The following PDE1C variants were observed in gnomAD, a reference collection of about 807,000 sequenced individuals.
The protein encoded by PDE1C is phosphodiesterase 1C, also known as dual specificity calcium/calmodulin-dependent 3',5'-cyclic nucleotide phosphodiesterase 1C.
Under a neutral mutation model 93.1 loss-of-function variants are expected in PDE1C, and 62 were observed. The ratio of observed to expected loss-of-function variants is 0.67; its 90% CI spans 0.54 to 0.82. The LOEUF (loss-of-function observed/expected upper bound fraction) is 0.82. PDE1C is among the 40% of genes least tolerant of loss of function. The pLI, the probability that PDE1C is intolerant of heterozygous loss-of-function variation, is 0.00. For missense variants in PDE1C, 742 were observed against 884.6 expected, an observed-to-expected ratio of 0.84 and a Z score of 2.04; for synonymous variants, 325 against 310.1, an observed-to-expected ratio of 1.05 and a Z score of -0.50.
chr7:32,340,982 C>G (rs536931197), intron 1 of PDE1C, among the ~76,000 whole-genome samples: 1 of 151,946 alleles, frequency 6.6e-6, no homozygotes, highest in African/African-American at 2.4e-5. Context: ...AAGAATGGCC[C>G]CTAATGTAAA....
chr7:32,027,152 A>G (rs1221689483), intron 2 of PDE1C, among the ~76,000 whole-genome samples: 1 of 152,152 alleles, frequency 6.6e-6, no homozygotes, highest in African/African-American at 2.4e-5. Context: ...GAATCATAAT[A>G]CATACTCTGA....
intron 1 of PDE1C, among the ~76,000 whole-genome samples, chr7:32,406,437 C>T (rs935828204): frequency 1.3e-5 from 2 of 149,290 alleles, no homozygotes; most frequent in African/African-American, 4.9e-5. Context: ...TTCTAGTATA[C>T]GAGGGAGGAA....
intron 3 of PDE1C, among the ~76,000 whole-genome samples, chr7:32,135,956 C>A (rs1423042496): frequency 2.6e-5 from 4 of 152,150 alleles, no homozygotes; most frequent in Non-Finnish European, 5.9e-5. Flanking sequence ...TTTGCAAAGA[C>A]ATGATAGCAT....
chr7:32,064,889 A>G (rs1045075559), intron 1 of PDE1C, among the ~76,000 whole-genome samples: 7 of 152,100 alleles, frequency 4.6e-5, no homozygotes, highest in Non-Finnish European at 7.4e-5. Flanking sequence ...TCTCATGACT[A>G]CACTTCTATC....
Position 32,055,628 on chromosome 7 carries a change from G to GA in PDE1C, c.102-4049dup, listed in dbSNP as rs918228438. On this transcript the variant is annotated intron_variant, in intron 1 of 17. Transcript: ENST00000396191. ...CCACCAAAATGCAGGAAATGAGCTG[G>GA]AAAAAAAACCCCAGTTTATTCTTGG... Among the ~76,000 whole-genome samples, 18 of 151,742 alleles carry GA rather than the reference G, an allele frequency of 1.2e-4. No homozygotes were observed. The East Asian group carries it at 2.1e-3, about 18-fold the overall frequency.
chr7:32,334,360 G>T (rs1371524127), intron 1 of PDE1C, among the ~76,000 whole-genome samples: 4 of 151,814 alleles, frequency 2.6e-5, no homozygotes, highest in Non-Finnish European at 4.4e-5. Flanking sequence ...TTTTTGATTA[G>T]AAAATTGACT....
the PDE1C span, among the ~76,000 whole-genome samples, chr7:31,686,206 C>T: frequency 1.5e-4 from 23 of 152,286 alleles, no homozygotes; most frequent in South Asian, 4.8e-3. Context: ...GGGTCTGGAG[C>T]CCTTCTAGTG....
chr7:31,957,301 C>T (rs893294286), intron 2 of PDE1C, among the ~76,000 whole-genome samples: 2 of 151,898 alleles, frequency 1.3e-5, no homozygotes, highest in African/African-American at 4.8e-5. Context: ...CATTAGCCAG[C>T]TTGTAGCTAT....
intron 3 of PDE1C, among the ~76,000 whole-genome samples, chr7:32,094,664 C>T (rs1797655173): frequency 6.6e-6 from 1 of 152,228 alleles, no homozygotes; most frequent in Non-Finnish European, 1.5e-5. Flanking sequence ...GGACCGCCCT[C>T]ATCTCCCTAA....
At chr7:32,176,140 C>T (rs1325074616) in intron 2 of PDE1C, among the ~76,000 whole-genome samples, 2 of 152,160 alleles carry the variant, frequency 1.3e-5, no homozygotes, top group Non-Finnish European at 2.9e-5. Context: ...TCATGCTGCT[C>T]CCCTTTGAGA....
chr7:31,837,641 C>A (rs1427730783), intron 10 of PDE1C, among the ~76,000 whole-genome samples: 1 of 152,182 alleles, frequency 6.6e-6, no homozygotes, highest in East Asian at 1.9e-4. Context: ...ATTTTTAATT[C>A]TCACTGGGGA....
intron 6 of PDE1C, among the ~76,000 whole-genome samples, chr7:31,866,173 G>A (rs1795273442): frequency 6.6e-6 from 1 of 151,900 alleles, no homozygotes; most frequent in South Asian, 2.1e-4. Context: ...AAAAGGAGAG[G>A]ATATGTCTTC....
chr7:31,693,867 T>C, the PDE1C span, among the ~76,000 whole-genome samples: 3 of 152,296 alleles, frequency 2.0e-5, no homozygotes, highest in Admixed American at 6.5e-5. Context: ...AGCTAAAATA[T>C]CCAATTACTC....
intron 1 of PDE1C, among the ~76,000 whole-genome samples, chr7:32,369,848 T>A (rs549389603): frequency 2.2e-4 from 34 of 152,296 alleles, no homozygotes; most frequent in African/African-American, 7.5e-4. Context: ...CTGGAGAGGA[T>A]GTGGAGAAAT....
At chr7:31,765,225 C>T (rs917480919) in intron 17 of PDE1C, among the ~76,000 whole-genome samples, 14 of 152,130 alleles carry the variant, frequency 9.2e-5, no homozygotes, top group African/African-American at 3.1e-4. Flanking sequence ...CAAACGATGG[C>T]TTCCTATCAA....
chr7:31,740,452 T>C, the PDE1C span, among the ~76,000 whole-genome samples: 1 of 152,200 alleles, frequency 6.6e-6, no homozygotes, highest in South Asian at 2.1e-4. Flanking sequence ...AGAAAGTGCA[T>C]GATTCAAATG....
At chr7:32,247,769 C>A (rs1809074520) in intron 1 of PDE1C, among the ~76,000 whole-genome samples, 1 of 152,110 alleles carries the variant, frequency 6.6e-6, no homozygotes, top group South Asian at 2.1e-4. Flanking sequence ...TGTTCTGAAC[C>A]TGTTCAAGGT....
intron 11 of PDE1C, among the ~76,000 whole-genome samples, chr7:31,834,615 G>T (rs1790832808): frequency 1.3e-5 from 2 of 151,790 alleles, no homozygotes; most frequent in Admixed American, 1.3e-4. Flanking sequence ...CCCTTTGTTT[G>T]CCCAATTTCT....
intron 1 of PDE1C, among the ~76,000 whole-genome samples, chr7:32,233,127 A>G (rs1807824589): frequency 6.6e-6 from 1 of 152,216 alleles, no homozygotes; most frequent in South Asian, 2.1e-4. Context: ...AGCTATTATG[A>G]AAATACTCCA....
Sources: allele counts gnomAD v4.1 joint callset (sites outside exome capture counted in the v4.1 genomes callset), GRCh38; gene constraint gnomAD v4.1.1; transcripts MANE v1.5; gene names NCBI Gene and HGNC (gene_info 2026-07-23, HGNC 2026-07-21).